Variants in POLR2B observed in about 807,000 individuals in gnomAD.
POLR2B encodes RNA polymerase II subunit B.
Under a neutral mutation model 144.6 loss-of-function variants are expected in POLR2B, and 57 were observed. The observed-to-expected ratio is 0.39, with a 90% CI of 0.32 to 0.49. The LOEUF (loss-of-function observed/expected upper bound fraction) is 0.49. POLR2B is among the 20% of genes least tolerant of loss of function. The pLI is 0.83. For missense variants in POLR2B, 595 were observed against 1,467.4 expected (o/e 0.41, Z 9.71); for synonymous variants, 442 against 469.8 (o/e 0.94, Z 0.77).
chr4:56,990,940 T>A (rs1560472477), intron 3 of POLR2B, 42 bp downstream of exon 3: 6 of 1,540,954 alleles, frequency 3.9e-6, no homozygotes, highest in Non-Finnish European at 5.3e-6. Context: ...AGAAGCGTAT[T>A]GGTTTGAAAT....
chr4:56,988,567 G>C (rs551597132), intron 2 of POLR2B, among the ~76,000 whole-genome samples: 1 of 152,126 alleles, frequency 6.6e-6, no homozygotes, highest in Non-Finnish European at 1.5e-5. Context: ...TGTGCCTGAG[G>C]TGATGGTGAC....
At chr4:57,028,739 G>C (rs74745621) in intron 23 of POLR2B, among the ~76,000 whole-genome samples, 1 of 152,264 alleles carries the variant, frequency 6.6e-6, no homozygotes, top group East Asian at 1.9e-4. Context: ...CTCTCAGGCG[G>C]TCCATGAACC....
At chr4:57,015,044 A>G (rs796209571) in intron 13 of POLR2B, among the ~76,000 whole-genome samples, 10 of 152,080 alleles carry the variant, frequency 6.6e-5, no homozygotes, top group African/African-American at 2.2e-4. Context: ...CATTTGTCTG[A>G]GGGTGGGTGT....
chr4:57,021,334 A>G (rs1723541540), intron 17 of POLR2B, among the ~76,000 whole-genome samples: 1 of 152,054 alleles, frequency 6.6e-6, no homozygotes, highest in African/African-American at 2.4e-5. Flanking sequence ...TTTCAGTTTG[A>G]TTGTCGACAA....
intron 1 of POLR2B, among the ~76,000 whole-genome samples, chr4:56,985,624 A>G (rs1722300311): frequency 6.6e-6 from 1 of 151,808 alleles, no homozygotes; most frequent in Non-Finnish European, 1.5e-5. Flanking sequence ...CTGGTCTCGA[A>G]CTCCTGACCT....
rs542631577 is a variant in POLR2B, at chr4:57,030,679, G to C, written c.3436-220G>C. ...ACAATGAGTTTTTGAAAACCTTTTAGTTGAGGTGGGTGAATATAAATTATG... is the reference window on the plus strand; with the variant it reads ...ACAATGAGTTTTTGAAAACCTTTTACTTGAGGTGGGTGAATATAAATTATG... On this transcript the variant is annotated intron_variant, in intron 24 of 24. Coordinates refer to ENST00000314595, the MANE Select transcript of POLR2B (RefSeq NM_000938.3). 12 of 557,600 alleles carry C rather than the reference G, an allele frequency of 2.2e-5. No individual in the cohort carries two copies. The East Asian group carries it at 2.8e-4, about 13-fold the overall frequency. 34.5% of individuals were successfully genotyped at this position (557,600 alleles called of 1,614,324 possible). A position where few individuals can be genotyped will look rare whatever the true frequency, so the allele number is the denominator to read the frequency against.
In POLR2B at chr4:57,005,172, A is replaced by G. The variant is rs1305075034; in HGVS notation, c.901-74A>G. The G allele has an allele frequency of 1.5e-5, 13 of 842,890 alleles. No individual in the cohort carries two copies. The East Asian group carries it at 2.0e-4, about 13-fold the overall frequency. 52.2% of individuals were successfully genotyped at this position (842,890 alleles called of 1,614,324 possible). A position where few individuals can be genotyped will look rare whatever the true frequency, so the allele number is the denominator to read the frequency against. ...CATAGGGGTACTTGGCATGTTATAA[A>G]CTAAGTGACAGTTTACTCATTTTAA... On this transcript the variant is annotated intron_variant, in intron 7 of 24. Coordinates refer to ENST00000314595, the MANE Select transcript of POLR2B (RefSeq NM_000938.3).
At chr4:56,991,317 A>G (rs889604469) in intron 3 of POLR2B, among the ~76,000 whole-genome samples, 1 of 152,236 alleles carries the variant, frequency 6.6e-6, no homozygotes, top group African/African-American at 2.4e-5. Flanking sequence ...AAATCACCCA[A>G]ACATAGCAGC....
At position 56,989,286 on chromosome 4, in the gene POLR2B, T is replaced by C. The variant is rs550271148; in HGVS notation, c.93-1462T>C. On this transcript the variant is annotated intron_variant, in intron 2 of 24. Coordinates refer to ENST00000314595, the MANE Select transcript of POLR2B (RefSeq NM_000938.3). The stretch of plus-strand genomic sequence containing the variant: ...TAAATTGCCTATAAAAAACCATGGC[T>C]ATGTATATTACAGGCAATGCCATGT... Among the ~76,000 whole-genome samples, 18 of 152,384 alleles carry C rather than the reference T, an allele frequency of 1.2e-4. No homozygotes were observed. In the East Asian group the frequency reaches 3.1e-3, roughly 26 times the overall value.
At chr4:57,026,003 A>G (rs561832158) in intron 23 of POLR2B, among the ~76,000 whole-genome samples, 34 of 152,168 alleles carry the variant, frequency 2.2e-4, no homozygotes, top group African/African-American at 8.2e-4. Context: ...TTGGGAGGCC[A>G]AGACGGGTAG....
intron 16 of POLR2B, among the ~76,000 whole-genome samples, chr4:57,018,005 C>A (rs1042596119): frequency 2.6e-5 from 4 of 152,056 alleles, no homozygotes; most frequent in Admixed American, 2.6e-4. Flanking sequence ...TAGATTGGAG[C>A]AAAATTGATG....
chr4:57,010,073 G>A (rs761854433), intron 10 of POLR2B: 1 of 310,696 alleles, frequency 3.2e-6, no homozygotes, highest in Non-Finnish European at 6.1e-6. Flanking sequence ...ATACAACAGA[G>A]AATAAAACAA....
At chr4:56,996,826 C>T (rs1722705185) in intron 6 of POLR2B, among the ~76,000 whole-genome samples, 1 of 152,094 alleles carries the variant, frequency 6.6e-6, no homozygotes, top group Admixed American at 6.6e-5. Flanking sequence ...TGGCTCATGC[C>T]TGTAATCCCA....
At chr4:57,025,288 T>C (rs1209952309) in intron 22 of POLR2B, 89 bp from the exon 23 acceptor site, 1 of 937,406 alleles carries the variant, frequency 1.1e-6, no homozygotes, top group African/African-American at 1.6e-5. Context: ...TTAATTTTTA[T>C]ATAAATGGAG....
intron 9 of POLR2B, 46 bp downstream of exon 9, chr4:57,005,765 C>T (rs1401575440): frequency 1.3e-6 from 2 of 1,575,158 alleles, no homozygotes; most frequent in Non-Finnish European, 1.7e-6. Flanking sequence ...AGATTTATTT[C>T]ACTTTAGATT....
chr4:57,011,947 A>T (rs867213100), intron 13 of POLR2B, among the ~76,000 whole-genome samples: 1 of 152,236 alleles, frequency 6.6e-6, no homozygotes, highest in Admixed American at 6.5e-5. Flanking sequence ...TCTTTTGGGA[A>T]TCTTTTTATA....
At position 57,025,484 on chromosome 4, in the gene POLR2B, T is replaced by C; in HGVS notation, c.3186T>C (p.Arg1062=). 1 of 1,611,252 alleles carries C rather than the reference T, an allele frequency of 6.2e-7. No individual in the cohort carries two copies. Among genetic ancestry groups the C allele is most frequent in the South Asian group, 1.1e-5 (1 of 91,022 alleles). The change falls in exon 23 of 25, where the codon CGT becomes CGC. Residue 1062 remains arginine (R), a synonymous_variant. Transcript: ENST00000314595. ...TGGTGGATGATAAGATTCACTCTCGTGCTAGGGGACCTATTCAGATCCTCA... is the reference window on the plus strand; with the variant it reads ...TGGTGGATGATAAGATTCACTCTCGCGCTAGGGGACCTATTCAGATCCTCA... The part of the protein sequence containing the change: ...KHMVDDKIHS[R]ARGPIQILNR...
At chr4:57,020,495 G>A (rs1723507437) in intron 16 of POLR2B, among the ~76,000 whole-genome samples, 1 of 152,098 alleles carries the variant, frequency 6.6e-6, no homozygotes, top group Non-Finnish European at 1.5e-5. Context: ...TGAGTCTATT[G>A]CTTATTAATT....
intron 24 of POLR2B, 141 bp downstream of exon 24, chr4:57,030,540 A>T: frequency 1.6e-6 from 1 of 611,690 alleles, no homozygotes; most frequent in South Asian, 2.5e-5. Flanking sequence ...TCCGAGTTCT[A>T]AATAAGGAAA....
Sources: allele counts gnomAD v4.1 joint callset (sites outside exome capture counted in the v4.1 genomes callset), GRCh38; gene constraint gnomAD v4.1.1; transcripts MANE v1.5; gene names NCBI Gene and HGNC (gene_info 2026-07-23, HGNC 2026-07-21).